Variants in NSMCE2 observed in about 807,000 individuals in gnomAD.
NSMCE2 encodes E3 SUMO-protein ligase NSE2.
Under a neutral mutation model 23.8 loss-of-function variants are expected in NSMCE2, and 24 were observed. The ratio of observed to expected loss-of-function variants is 1.01; its 90% confidence interval spans 0.73 to 1.42. NSMCE2 has a LOEUF of 1.42. Among genes scored for constraint, NSMCE2 ranks in the 40% most tolerant of loss-of-function variants. NSMCE2 has a pLI of 0.00. For missense variants in NSMCE2, 284 were observed against 296.5 expected (o/e 0.96, Z 0.31); for synonymous variants, 92 against 94.1 (o/e 0.98, Z 0.13).
intron 5 of NSMCE2, among the ~76,000 whole-genome samples, chr8:125,292,839 C>G (rs951789677): frequency 2.0e-5 from 3 of 152,166 alleles, no homozygotes; most frequent in African/African-American, 7.2e-5. Context: ...CAAAGCACAA[C>G]TATGAGTTGC....
chr8:125,179,716 C>T (rs771058181), intron 4 of NSMCE2, among the ~76,000 whole-genome samples: 1 of 152,096 alleles, frequency 6.6e-6, no homozygotes, highest in South Asian at 2.1e-4. Flanking sequence ...TTGGTTTATT[C>T]AGCTTTTCCT....
At chr8:125,162,170 AGT>A in intron 4 of NSMCE2, among the ~76,000 whole-genome samples, 1 of 152,214 alleles carries the variant, frequency 6.6e-6, no homozygotes, top group Non-Finnish European at 1.5e-5. Flanking sequence ...CATGAAGTAT[AGT>A]TAGGCCATGT....
At chr8:125,324,188 C>CATGT (rs1439623603) in intron 5 of NSMCE2, among the ~76,000 whole-genome samples, 1 of 152,096 alleles carries the variant, frequency 6.6e-6, no homozygotes, top group Non-Finnish European at 1.5e-5. Context: ...CTGATCATAC[C>CATGT]ATGTGTTGGC....
At chr8:125,138,254 A>G (rs1225026892) in intron 3 of NSMCE2, among the ~76,000 whole-genome samples, 3 of 152,088 alleles carry the variant, frequency 2.0e-5, no homozygotes, top group Admixed American at 2.0e-4. Context: ...GACCTGGTCA[A>G]TCTCTGTCAC....
At chr8:125,163,946 T>C (rs1821748593) in intron 4 of NSMCE2, among the ~76,000 whole-genome samples, 1 of 152,222 alleles carries the variant, frequency 6.6e-6, no homozygotes, top group South Asian at 2.1e-4. Context: ...AAAGCCCACT[T>C]GTAGTATGAA....
intron 5 of NSMCE2, among the ~76,000 whole-genome samples, chr8:125,206,700 G>C (rs1378952064): frequency 6.6e-6 from 1 of 152,150 alleles, no homozygotes; most frequent in Non-Finnish European, 1.5e-5. Context: ...TCTTTAGGTG[G>C]GGAAGGTGAC....
chr8:125,340,351 C>T (rs1052984602), intron 5 of NSMCE2, among the ~76,000 whole-genome samples: 18 of 152,158 alleles, frequency 1.2e-4, no homozygotes, highest in Non-Finnish European at 4.4e-5. Flanking sequence ...TGCTCTTTAC[C>T]GTTTAGTGAC....
intron 5 of NSMCE2, among the ~76,000 whole-genome samples, chr8:125,266,692 ATACCTGT>A (rs1465740033): frequency 6.6e-6 from 1 of 152,206 alleles, no homozygotes; most frequent in Non-Finnish European, 1.5e-5. Context: ...CAGATCCAGT[ATACCTGT>A]TGGGGATGAA....
chr8:125,220,113 T>C (rs1352643676), intron 5 of NSMCE2, among the ~76,000 whole-genome samples: 2 of 152,176 alleles, frequency 1.3e-5, no homozygotes, highest in East Asian at 3.9e-4. Flanking sequence ...AGTAAACCCA[T>C]GTGGCTGAGA....
intron 5 of NSMCE2, among the ~76,000 whole-genome samples, chr8:125,214,832 A>G (rs1356171998): frequency 2.0e-5 from 3 of 152,062 alleles, no homozygotes; most frequent in Non-Finnish European, 4.4e-5. Flanking sequence ...TAACATTTAT[A>G]TTACATAAAA....
At chr8:125,313,037 A>G (rs1295774530) in intron 5 of NSMCE2, among the ~76,000 whole-genome samples, 6 of 151,652 alleles carry the variant, frequency 4.0e-5, no homozygotes, top group Admixed American at 6.6e-5. Flanking sequence ...GCAAACCACC[A>G]TGGCACATGT....
At chr8:125,151,060 G>A (rs1209724128) in intron 3 of NSMCE2, 111 bp from the exon 4 acceptor site, 3 of 487,458 alleles carry the variant, frequency 6.2e-6, no homozygotes, top group African/African-American at 5.9e-5. Flanking sequence ...AGATGTAATA[G>A]CTCTACAAAA....
intron 5 of NSMCE2, among the ~76,000 whole-genome samples, chr8:125,291,991 A>C (rs560375020): frequency 2.6e-5 from 4 of 152,244 alleles, no homozygotes; most frequent in African/African-American, 7.2e-5. Context: ...CACTCAATTC[A>C]TTCAAGCTGG....
At chr8:125,133,053 A>G (rs1819855023) in intron 3 of NSMCE2, among the ~76,000 whole-genome samples, 1 of 152,170 alleles carries the variant, frequency 6.6e-6, no homozygotes, top group African/African-American at 2.4e-5. Context: ...ATCCAATATA[A>G]TTTCCACTTT....
At chr8:125,230,857 G>T (rs905538935) in intron 5 of NSMCE2, among the ~76,000 whole-genome samples, 4 of 152,120 alleles carry the variant, frequency 2.6e-5, no homozygotes, top group Non-Finnish European at 5.9e-5. Context: ...GACAGCAGGG[G>T]GCAGCAGCAT....
intron 5 of NSMCE2, among the ~76,000 whole-genome samples, chr8:125,253,210 T>C (rs1198824513): frequency 9.2e-5 from 14 of 152,236 alleles, no homozygotes; most frequent in Non-Finnish European, 1.9e-4. Flanking sequence ...TTAAGGGAGC[T>C]ACCTGTTCCC....
chr8:125,161,837 A>G (rs1040893306), intron 4 of NSMCE2, among the ~76,000 whole-genome samples: 4 of 151,666 alleles, frequency 2.6e-5, no homozygotes, highest in Non-Finnish European at 5.9e-5. Context: ...ATAGTAGAAT[A>G]TGATTGCACC....
intron 5 of NSMCE2, among the ~76,000 whole-genome samples, chr8:125,188,240 G>T (rs1306910257): frequency 1.3e-5 from 2 of 152,146 alleles, no homozygotes; most frequent in African/African-American, 2.4e-5. Context: ...TGGCTTTTCC[G>T]TCTCCTTCAG....
At chr8:125,229,208 A>G (rs1825219741) in intron 5 of NSMCE2, among the ~76,000 whole-genome samples, 1 of 152,222 alleles carries the variant, frequency 6.6e-6, no homozygotes. Context: ...TACTGCAGTG[A>G]TAATGGAAAT....
Sources: allele counts gnomAD v4.1 joint callset (sites outside exome capture counted in the v4.1 genomes callset), GRCh38; gene constraint gnomAD v4.1.1; transcripts MANE v1.5; gene names NCBI Gene and HGNC (gene_info 2026-07-23, HGNC 2026-07-21).